CNTN5: variants seen among roughly 807,000 people sequenced by gnomAD.
The protein encoded by CNTN5 is contactin-5.
Under a neutral mutation model 129.1 loss-of-function variants are expected in CNTN5, and 77 were observed. The ratio of observed to expected loss-of-function variants is 0.60; its 90% confidence interval spans 0.50 to 0.72. The LOEUF is 0.72. Among genes scored for constraint, CNTN5 ranks in the 30% least tolerant of loss-of-function variants. The probability of loss-of-function intolerance (pLI) is 0.00; values close to 1 mark genes in which losing one functional copy is unlikely to be tolerated. For synonymous variants in CNTN5, 509 were observed against 465.6 expected, an observed-to-expected ratio of 1.09 and a Z score of -1.20; for missense variants, 1,478 against 1,328.8, an observed-to-expected ratio of 1.11 and a Z score of -1.75.
chr11:99,654,751 C>G (rs1306971782), intron 3 of CNTN5, among the ~76,000 whole-genome samples: 1 of 151,974 alleles, frequency 6.6e-6, no homozygotes, highest in African/African-American at 2.4e-5. Context: ...CAAATTAAAT[C>G]AATTAAACAA....
At chr11:99,031,007 C>T (rs1041161347) in intron 1 of CNTN5, among the ~76,000 whole-genome samples, 4 of 151,554 alleles carry the variant, frequency 2.6e-5, no homozygotes, top group East Asian at 1.9e-4. Context: ...CCGTGTTAGC[C>T]AGGATGGTCT....
chr11:99,725,541 TTG>T, intron 3 of CNTN5, among the ~76,000 whole-genome samples: 1 of 25,646 alleles, frequency 3.9e-5, no homozygotes, highest in Non-Finnish European at 7.2e-5. Context: ...ATTTTAATCT[TTG>T]CCTTGCCTTT....
intron 3 of CNTN5, among the ~76,000 whole-genome samples, chr11:99,580,703 T>A (rs1375872565): frequency 1.3e-5 from 2 of 151,948 alleles, no homozygotes; most frequent in African/African-American, 2.4e-5. Flanking sequence ...TTATTGCATC[T>A]ATTTGATTCT....
intron 3 of CNTN5, among the ~76,000 whole-genome samples, chr11:99,803,716 T>C (rs577643260): frequency 6.6e-6 from 1 of 152,324 alleles, no homozygotes; most frequent in East Asian, 1.9e-4. Context: ...CCTGGGTTTC[T>C]TGGATTCCAT....
intron 3 of CNTN5, among the ~76,000 whole-genome samples, chr11:99,578,916 C>G (rs1389027906): frequency 1.3e-5 from 2 of 152,182 alleles, no homozygotes; most frequent in Non-Finnish European, 2.9e-5. Flanking sequence ...TGCCTATGTC[C>G]TGAATGGTAT....
intron 1 of CNTN5, among the ~76,000 whole-genome samples, chr11:99,175,990 C>T (rs866842518): frequency 6.6e-6 from 1 of 152,214 alleles, no homozygotes; most frequent in Non-Finnish European, 1.5e-5. Context: ...GTCCATGGTT[C>T]TAGCAATTAT....
chr11:99,952,085 G>C (rs1249994325), intron 7 of CNTN5, among the ~76,000 whole-genome samples: 1 of 152,088 alleles, frequency 6.6e-6, no homozygotes, highest in African/African-American at 2.4e-5. Context: ...TTTCAATCAA[G>C]GTACACATCA....
chr11:100,037,433 T>C (rs1443761588), intron 9 of CNTN5, among the ~76,000 whole-genome samples: 1 of 151,092 alleles, frequency 6.6e-6, no homozygotes, highest in Admixed American at 6.6e-5. Flanking sequence ...AATTCTCTTT[T>C]TTGGTTGTGT....
intron 3 of CNTN5, among the ~76,000 whole-genome samples, chr11:99,657,498 T>A (rs1213912813): frequency 1.3e-5 from 2 of 152,128 alleles, no homozygotes; most frequent in Non-Finnish European, 2.9e-5. Flanking sequence ...TATATCACTG[T>A]AACCTGCAAA....
intron 1 of CNTN5, among the ~76,000 whole-genome samples, chr11:99,106,864 A>G (rs1867021966): frequency 6.6e-6 from 1 of 152,130 alleles, no homozygotes; most frequent in African/African-American, 2.4e-5. Context: ...AAAAGGTATT[A>G]TTAGGTGTAT....
intron 8 of CNTN5, among the ~76,000 whole-genome samples, chr11:99,983,401 C>A (rs1938473334): frequency 6.6e-6 from 1 of 152,116 alleles, no homozygotes; most frequent in East Asian, 1.9e-4. Flanking sequence ...ATAGGACTGA[C>A]AAGAGAAGTA....
chr11:100,057,906 A>C (rs1943301776), intron 9 of CNTN5, among the ~76,000 whole-genome samples: 1 of 152,058 alleles, frequency 6.6e-6, no homozygotes, highest in South Asian at 2.1e-4. Context: ...AAATCTTTCA[A>C]GATTCACAAC....
rs558454386 is a variant in CNTN5, at chr11:99,469,558, C to T, written c.-70-86587C>T. Among the ~76,000 whole-genome samples the T allele has an allele frequency of 3.3e-5, 5 of 152,030 alleles. No individual in the cohort carries two copies. The South Asian group carries it at 1.0e-3, about 32-fold the overall frequency. On this transcript the variant is annotated intron_variant, in intron 2 of 24. Coordinates refer to ENST00000524871, the MANE Select transcript of CNTN5 (RefSeq NM_014361.4). ...GATAATATTTTATAGCTCTGATTTT[C>T]CCATTCCCCACAAAGTAGTTTAAAC...
Position 100,271,254 on chromosome 11 carries a change from AAG to A in CNTN5, c.2314+16_2314+17del, listed in dbSNP as rs1273724875. Reference sequence around the variant, plus strand: ...ACAAATGAAGCAGGTAAAAATTTGGAAGAGTCAGATTGGATTTGGTATGCTTC... The same window carrying A: ...ACAAATGAAGCAGGTAAAAATTTGGAAGTCAGATTGGATTTGGTATGCTTC... On this transcript the variant is annotated intron_variant, in intron 18 of 24. Transcript: ENST00000524871. The A allele has an allele frequency of 6.3e-7, 1 of 1,588,094 alleles. No homozygotes were observed. Among genetic ancestry groups the A allele is most frequent in the African/African-American group, 1.3e-5 (1 of 74,140 alleles).
chr11:99,807,527 G>T (rs1444540669), intron 3 of CNTN5, among the ~76,000 whole-genome samples: 1 of 152,128 alleles, frequency 6.6e-6, no homozygotes, highest in Non-Finnish European at 1.5e-5. Flanking sequence ...ATATGTGTGT[G>T]TGTTTTAAGA....
At chr11:99,931,525 A>G (rs1275960938) in intron 7 of CNTN5, among the ~76,000 whole-genome samples, 3 of 152,220 alleles carry the variant, frequency 2.0e-5, no homozygotes, top group African/African-American at 7.2e-5. Flanking sequence ...ACCACATAGT[A>G]AAAGGATTTG....
chr11:99,476,477 G>C (rs1267836841), intron 2 of CNTN5, among the ~76,000 whole-genome samples: 1 of 152,086 alleles, frequency 6.6e-6, no homozygotes, highest in Non-Finnish European at 1.5e-5. Context: ...TACTTCATGA[G>C]TTATGATGCA....
intron 14 of CNTN5, among the ~76,000 whole-genome samples, chr11:100,191,949 C>T (rs1286341000): frequency 6.6e-6 from 1 of 151,434 alleles, no homozygotes. Flanking sequence ...TTTCACTGTG[C>T]ATGTATCATA....
chr11:100,086,837 A>C (rs1004842624), intron 13 of CNTN5, among the ~76,000 whole-genome samples: 1 of 151,518 alleles, frequency 6.6e-6, no homozygotes, highest in Non-Finnish European at 1.5e-5. Context: ...TTTCCCCACT[A>C]TCAGAGTGGG....
Sources: allele counts gnomAD v4.1 joint callset (sites outside exome capture counted in the v4.1 genomes callset), GRCh38; gene constraint gnomAD v4.1.1; transcripts MANE v1.5; gene names NCBI Gene and HGNC (gene_info 2026-07-23, HGNC 2026-07-21).